The following SRBD1 variants were observed in gnomAD, a reference collection of about 807,000 sequenced individuals.
The protein encoded by SRBD1 is S1 RNA-binding domain-containing protein 1.
In SRBD1, 88 loss-of-function variants were observed where a neutral mutation model predicts 115.3. The ratio of observed to expected loss-of-function variants is 0.76; its 90% CI spans 0.64 to 0.91. The LOEUF (loss-of-function observed/expected upper bound fraction) is 0.91. Among genes scored for constraint, SRBD1 ranks in the 40% least tolerant of loss-of-function variants. SRBD1 has a pLI of 0.00. For synonymous variants in SRBD1, 509 were observed against 407.7 expected (o/e 1.25, Z -2.99); for missense variants, 1,385 against 1,177.4 (o/e 1.18, Z -2.58).
intron 9 of SRBD1, among the ~76,000 whole-genome samples, chr2:45,564,171 T>C (rs1438101657): frequency 1.3e-5 from 2 of 152,124 alleles, no homozygotes; most frequent in Non-Finnish European, 2.9e-5. Flanking sequence ...ACACATTATA[T>C]CAATAGAATA....
At chr2:45,475,879 A>G (rs978024491) in intron 16 of SRBD1, among the ~76,000 whole-genome samples, 2 of 152,118 alleles carry the variant, frequency 1.3e-5, no homozygotes, top group Non-Finnish European at 2.9e-5. Flanking sequence ...TTGTATTCTT[A>G]GTAGAGACAG....
chr2:45,604,010 A>G (rs1674183708), intron 2 of SRBD1, among the ~76,000 whole-genome samples: 1 of 152,040 alleles, frequency 6.6e-6, no homozygotes, highest in South Asian at 2.1e-4. Context: ...AATGTCTGTC[A>G]TTCTTTCATA....
At chr2:45,499,032 T>C (rs569989675) in intron 14 of SRBD1, among the ~76,000 whole-genome samples, 12 of 152,336 alleles carry the variant, frequency 7.9e-5, no homozygotes, top group Admixed American at 7.2e-4. Context: ...TGCTGACTTA[T>C]ATGGCAGTTC....
At chr2:45,551,003 G>T in intron 12 of SRBD1, 122 bp downstream of exon 12, 1 of 1,195,566 alleles carries the variant, frequency 8.4e-7, no homozygotes, top group Non-Finnish European at 1.1e-6. Context: ...ACCCCTGTAT[G>T]TGAGAAAACC....
intron 19 of SRBD1, among the ~76,000 whole-genome samples, chr2:45,406,458 C>T (rs1161868020): frequency 6.6e-6 from 1 of 151,914 alleles, no homozygotes; most frequent in East Asian, 1.9e-4. Context: ...ACTCTAAATC[C>T]CATGTTCCCC....
chr2:45,558,037 G>A (rs1055262138), intron 10 of SRBD1, among the ~76,000 whole-genome samples: 3 of 152,068 alleles, frequency 2.0e-5, no homozygotes, highest in African/African-American at 7.2e-5. Context: ...TCTCTCCACT[G>A]GGCTTTCTTT....
chr2:45,400,847 C>T (rs953810966), intron 19 of SRBD1, among the ~76,000 whole-genome samples: 3 of 152,126 alleles, frequency 2.0e-5, no homozygotes, highest in African/African-American at 4.8e-5. Flanking sequence ...CCAGTTCAAA[C>T]AGCCATGATT....
chr2:45,574,040 T>G (rs539830667), intron 8 of SRBD1, among the ~76,000 whole-genome samples: 21 of 152,096 alleles, frequency 1.4e-4, no homozygotes, highest in Non-Finnish European at 2.8e-4. Context: ...ATAGGGTTTT[T>G]AATTAATGTG....
Position 45,414,721 on chromosome 2 carries a change from C to CACACACACAGTGTGTATATAGTATGT in SRBD1, c.2334-1454_2334-1429dup, listed in dbSNP as rs1558563313. Among the ~76,000 whole-genome samples the CACACACACAGTGTGTATATAGTATGT allele has an allele frequency of 5.4e-4, 68 of 125,196 alleles. 1 individual carries two copies. The highest frequency in any genetic ancestry group is 8.8e-4 in the Non-Finnish European group (47 of 53,564). 82.1% of individuals were successfully genotyped at this position (125,196 alleles called of 152,430 possible). A position where few individuals can be genotyped will look rare whatever the true frequency, so the allele number is the denominator to read the frequency against. On this transcript the variant is annotated intron_variant, in intron 18 of 20. Transcript: ENST00000263736. ...ATAGTGTGTATATAGTATGTATATA[C>CACACACACAGTGTGTATATAGTATGT]ACACACACAGTGTGTATATAGTATG...
chr2:45,450,052 A>C (rs1668946532), intron 16 of SRBD1, among the ~76,000 whole-genome samples: 1 of 152,184 alleles, frequency 6.6e-6, no homozygotes, highest in Non-Finnish European at 1.5e-5. Flanking sequence ...AAGTGAAACC[A>C]GGTTTTTAAC....
intron 16 of SRBD1, among the ~76,000 whole-genome samples, chr2:45,432,607 T>C (rs767277870): frequency 6.6e-6 from 1 of 152,160 alleles, no homozygotes; most frequent in Non-Finnish European, 1.5e-5. Flanking sequence ...TGGCAGTAAC[T>C]GGTACAAGAA....
chr2:45,456,798 AG>A (rs1336159896), intron 16 of SRBD1, among the ~76,000 whole-genome samples: 2 of 151,920 alleles, frequency 1.3e-5, no homozygotes, highest in Non-Finnish European at 2.9e-5. Flanking sequence ...TAATTTTCCA[AG>A]GAAAATTAAT....
At chr2:45,454,229 T>C (rs546226341) in intron 16 of SRBD1, among the ~76,000 whole-genome samples, 15 of 152,052 alleles carry the variant, frequency 9.9e-5, no homozygotes, top group Admixed American at 3.9e-4. Context: ...ATTTACCCCA[T>C]TGTCAATGTG....
chr2:45,395,584 C>T (rs1229139573), intron 19 of SRBD1, among the ~76,000 whole-genome samples: 1 of 152,188 alleles, frequency 6.6e-6, no homozygotes, highest in Non-Finnish European at 1.5e-5. Context: ...GTGCTCCTAG[C>T]TAATGCTTCA....
intron 9 of SRBD1, among the ~76,000 whole-genome samples, chr2:45,567,347 T>G (rs1453798162): frequency 6.6e-6 from 1 of 152,168 alleles, no homozygotes; most frequent in African/African-American, 2.4e-5. Context: ...TGGGGGCTCA[T>G]GCTCATAATC....
intron 16 of SRBD1, among the ~76,000 whole-genome samples, chr2:45,456,204 GA>G (rs1315758428): frequency 6.6e-6 from 1 of 151,694 alleles, no homozygotes; most frequent in Non-Finnish European, 1.5e-5. Flanking sequence ...AAAGTAAGGG[GA>G]AAAAAAGTAT....
At chr2:45,551,881 G>C (rs1672312196) in intron 11 of SRBD1, among the ~76,000 whole-genome samples, 1 of 152,156 alleles carries the variant, frequency 6.6e-6, no homozygotes, top group South Asian at 2.1e-4. Flanking sequence ...TGAGAATTTT[G>C]AAAGGGCGAT....
chr2:45,579,039 C>A (rs1673265190), intron 7 of SRBD1, among the ~76,000 whole-genome samples: 1 of 152,036 alleles, frequency 6.6e-6, no homozygotes, highest in East Asian at 1.9e-4. Flanking sequence ...GTAGAGACCA[C>A]CAAAACATCA....
intron 14 of SRBD1, among the ~76,000 whole-genome samples, chr2:45,491,505 C>T (rs115207385): frequency 0.014 from 2,164 of 152,134 alleles, 33 homozygotes; most frequent in Middle Eastern, 0.041. Context: ...ACTCAGAAGG[C>T]CCTTCAAATT....
Sources: gnomAD v4.1 joint callset for allele counts (sites outside exome capture counted in the v4.1 genomes callset) on GRCh38, gnomAD v4.1.1 for gene constraint, MANE v1.5 for transcripts, NCBI Gene and HGNC (gene_info 2026-07-23, HGNC 2026-07-21) for gene names.